FAT3: variants seen among roughly 807,000 people sequenced by gnomAD.
FAT3 encodes FAT atypical cadherin 3, also known as protocadherin Fat 3.
FAT3 carries 95 observed loss-of-function variants against 310.2 expected under a neutral mutation model. That is an observed-to-expected ratio of 0.31 (90% CI 0.26 to 0.36). The LOEUF (loss-of-function observed/expected upper bound fraction) is 0.36, where lower values mean the gene tolerates loss of function less well. Ranked by LOEUF, FAT3 falls within the 10% of genes least tolerant of loss-of-function variation. FAT3 has a pLI of 1.00. For synonymous variants in FAT3, 2,314 were observed against 2,192.9 expected, an observed-to-expected ratio of 1.06 and a Z score of -1.54; for missense variants, 5,408 against 5,715.6, an observed-to-expected ratio of 0.95 and a Z score of 1.74.
At chr11:92,574,369 C>G (rs1938350240) in intron 3 of FAT3, among the ~76,000 whole-genome samples, 1 of 152,134 alleles carries the variant, frequency 6.6e-6, no homozygotes, top group African/African-American at 2.4e-5. Flanking sequence ...CCACCCCCTC[C>G]AAATCTTTCT....
intron 4 of FAT3, among the ~76,000 whole-genome samples, chr11:92,709,115 C>T (rs1359240825): frequency 6.6e-6 from 1 of 152,210 alleles, no homozygotes; most frequent in Non-Finnish European, 1.5e-5. Flanking sequence ...ACTAATTTCC[C>T]CCGGCCAGCC....
Position 92,801,438 on chromosome 11 carries a change from G to A in FAT3, c.8425G>A (p.Asp2809Asn), listed in dbSNP as rs867687680. 6.2e-7 allele frequency: 1 copy of A among 1,613,690 alleles called. No homozygotes were observed. Among genetic ancestry groups the A allele is most frequent in the African/African-American group, 1.3e-5 (1 of 74,908 alleles). ...DVDIKVLDLNDNKPVFETSSY... is the reference protein window; with the variant it reads ...DVDIKVLDLNNNKPVFETSSY... Reference sequence around the variant, plus strand: ...AGATATCAAGGTATTGGATTTGAATGACAACAAGCCAGTCTTTGAAACTTC... The same window carrying A: ...AGATATCAAGGTATTGGATTTGAATAACAACAAGCCAGTCTTTGAAACTTC... The change falls in exon 10 of 28, where the codon GAC becomes AAC. Residue 2809 changes from aspartate to asparagine, a missense_variant. Coordinates refer to ENST00000525166, the MANE Select transcript of FAT3 (RefSeq NM_001367949.2).
At chr11:92,889,944 T>G in intron 27 of FAT3, 53 bp downstream of exon 27, 1 of 717,830 alleles carries the variant, frequency 1.4e-6, no homozygotes, top group East Asian at 2.7e-5. Flanking sequence ...TTTGAATTGC[T>G]GAGTTCATTC....
intron 1 of FAT3, among the ~76,000 whole-genome samples, chr11:92,334,233 A>G (rs1947995820): frequency 6.6e-6 from 1 of 151,982 alleles, no homozygotes; most frequent in Non-Finnish European, 1.5e-5. Context: ...AAAATTAGCC[A>G]GGTGTGGTGG....
intron 1 of FAT3, among the ~76,000 whole-genome samples, chr11:92,306,611 TTA>T (rs1172437576): frequency 3.2e-5 from 4 of 126,150 alleles, no homozygotes; most frequent in African/African-American, 6.0e-5. Context: ...TATATTTATA[TTA>T]TATATTTATA....
chr11:92,512,858 C>T (rs1440980592), intron 2 of FAT3, among the ~76,000 whole-genome samples: 1 of 41,970 alleles, frequency 2.4e-5, no homozygotes, highest in Non-Finnish European at 4.4e-5. Flanking sequence ...CGCGGTGGCT[C>T]ACGCCTGTAA....
chr11:92,412,486 A>T (rs1206458746), intron 2 of FAT3, among the ~76,000 whole-genome samples: 1 of 138,018 alleles, frequency 7.2e-6, no homozygotes, highest in Non-Finnish European at 1.5e-5. Flanking sequence ...CCTTCAACTC[A>T]TGGAAGATTG....
At chr11:92,281,730 C>G (rs1213247280) in intron 1 of FAT3, among the ~76,000 whole-genome samples, 2 of 152,138 alleles carry the variant, frequency 1.3e-5, no homozygotes, top group Non-Finnish European at 2.9e-5. Flanking sequence ...GTCAGCCACC[C>G]TAATCGCTCA....
intron 1 of FAT3, among the ~76,000 whole-genome samples, chr11:92,246,435 C>A (rs1434113838): frequency 6.6e-6 from 1 of 151,962 alleles, no homozygotes; most frequent in African/African-American, 2.4e-5. Flanking sequence ...GAGAAAAATT[C>A]TTCAAAGAAA....
intron 19 of FAT3, among the ~76,000 whole-genome samples, chr11:92,852,803 A>C (rs1417457550): frequency 6.6e-6 from 1 of 152,210 alleles, no homozygotes; most frequent in Non-Finnish European, 1.5e-5. Context: ...ATTAATGACC[A>C]TGATTTAATT....
In FAT3 at chr11:92,243,650, A is replaced by G. The variant is rs1453273400; in HGVS notation, c.-18+18476A>G. Among the ~76,000 whole-genome samples, 5 of 152,096 alleles carry G rather than the reference A, an allele frequency of 3.3e-5. No individual in the cohort carries two copies. In the South Asian group the frequency reaches 8.3e-4, roughly 25 times the overall value. ...AGAATGCTTCACACTGACTCTTGTC[A>G]TCAGTGTTTGCAAATGTAATGTTAG... On this transcript the variant is annotated intron_variant, in intron 1 of 27. Coordinates refer to ENST00000525166, the MANE Select transcript of FAT3 (RefSeq NM_001367949.2).
At chr11:92,485,561 A>G (rs529113806) in intron 2 of FAT3, among the ~76,000 whole-genome samples, 2 of 152,320 alleles carry the variant, frequency 1.3e-5, no homozygotes, top group African/African-American at 4.8e-5. Flanking sequence ...CAGAAACGAA[A>G]GGGCCTAAAT....
intron 6 of FAT3, among the ~76,000 whole-genome samples, chr11:92,773,464 A>G (rs910137889): frequency 1.3e-5 from 2 of 152,298 alleles, no homozygotes; most frequent in East Asian, 1.9e-4. Context: ...AAGTATTTCT[A>G]TAAATATCCC....
At chr11:92,257,302 G>C (rs370185761) in intron 1 of FAT3, among the ~76,000 whole-genome samples, 1 of 152,146 alleles carries the variant, frequency 6.6e-6, no homozygotes, top group East Asian at 1.9e-4. Flanking sequence ...ATTTCAGCTT[G>C]GGTCTTGTTA....
At chr11:92,473,540 C>T (rs1951967064) in intron 2 of FAT3, among the ~76,000 whole-genome samples, 3 of 152,130 alleles carry the variant, frequency 2.0e-5, no homozygotes, top group Admixed American at 2.0e-4. Context: ...TAAGTACATC[C>T]TTGATTATCT....
intron 2 of FAT3, among the ~76,000 whole-genome samples, chr11:92,506,744 G>A (rs1194316808): frequency 2.0e-5 from 3 of 151,998 alleles, no homozygotes; most frequent in East Asian, 1.9e-4. Flanking sequence ...TTTCTTCCCC[G>A]GCTTGAAGAA....
At chr11:92,246,329 T>A (rs557954536) in intron 1 of FAT3, among the ~76,000 whole-genome samples, 182 of 152,188 alleles carry the variant, frequency 1.2e-3, no homozygotes, top group Middle Eastern at 3.4e-3. Context: ...AGCCTGAGCT[T>A]CAGATGCATT....
At chr11:92,404,050 GAA>G (rs1488720366) in intron 2 of FAT3, among the ~76,000 whole-genome samples, 1 of 151,678 alleles carries the variant, frequency 6.6e-6, no homozygotes, top group Non-Finnish European at 1.5e-5. Flanking sequence ...AAAAGGGAGA[GAA>G]AGAGAAAGAA....
chr11:92,410,683 T>C (rs1950236982), intron 2 of FAT3, among the ~76,000 whole-genome samples: 1 of 152,132 alleles, frequency 6.6e-6, no homozygotes, highest in Non-Finnish European at 1.5e-5. Flanking sequence ...GTTTACGGAA[T>C]AATTTTCCAG....
Sources: allele counts gnomAD v4.1 joint callset (sites outside exome capture counted in the v4.1 genomes callset), GRCh38; gene constraint gnomAD v4.1.1; transcripts MANE v1.5; gene names NCBI Gene and HGNC (gene_info 2026-07-23, HGNC 2026-07-21).